The following PRPH2 variants were observed in gnomAD, a reference collection of about 807,000 sequenced individuals.
PRPH2 encodes peripherin-2.
Under a neutral mutation model 31.3 loss-of-function variants are expected in PRPH2, and 17 were observed. That is an observed-to-expected ratio of 0.54 (90% CI 0.37 to 0.81). The LOEUF is 0.81. PRPH2 is among the 40% of genes least tolerant of loss of function. The pLI, the probability that PRPH2 is intolerant of heterozygous loss-of-function variation, is 0.00. For missense variants in PRPH2, 430 were observed against 439.7 expected (o/e 0.98, Z 0.20); for synonymous variants, 165 against 184.4 (o/e 0.89, Z 0.85).
chr6:42,707,512 C>T (rs1242194601), intron 1 of PRPH2, among the ~76,000 whole-genome samples: 1 of 152,162 alleles, frequency 6.6e-6, no homozygotes, highest in African/African-American at 2.4e-5. Flanking sequence ...CAAAGCCCAA[C>T]CAGCCATGCT....
chr6:42,700,021 C>T (rs1055451590), intron 2 of PRPH2, among the ~76,000 whole-genome samples: 7 of 147,974 alleles, frequency 4.7e-5, no homozygotes, highest in Non-Finnish European at 4.4e-5. Flanking sequence ...TGCAGTGGCA[C>T]GATCTTGGCT....
chr6:42,697,589 C>T lies in PRPH2; in HGVS notation c.*706G>A, dbSNP rs1379417304. The T allele has an allele frequency of 6.6e-6, 1 of 152,344 alleles. No individual in the cohort carries two copies. Among genetic ancestry groups the T allele is most frequent in the Non-Finnish European group, 1.5e-5 (1 of 68,210 alleles). The allele number at this position is 152,344 out of a possible 1,614,324, so 9.4% of individuals were successfully genotyped here. A position where few individuals can be genotyped will look rare whatever the true frequency, so the allele number is the denominator to read the frequency against. ...GACTTCCTCAACCCGTGGTTCACTC[C>T]AGACTCAGTGACCGAGGGCATGTGA... On this transcript the variant is annotated 3_prime_UTR_variant, in exon 3 of 3. Coordinates refer to ENST00000230381, the MANE Select transcript of PRPH2 (RefSeq NM_000322.5).
At chr6:42,699,235 G>T (rs380246) in intron 2 of PRPH2, among the ~76,000 whole-genome samples, 114,834 of 150,002 alleles carry the variant, frequency 0.77, 44,050 homozygotes, top group East Asian at 0.86. Context: ...GTATTTTTTT[G>T]TTGTTATTGT....
intron 1 of PRPH2, among the ~76,000 whole-genome samples, chr6:42,705,599 A>AAAATATATATATATATATATATAT (rs1562424252): frequency 4.6e-5 from 1 of 21,552 alleles, no homozygotes; most frequent in African/African-American, 1.8e-4. Flanking sequence ...AAAAAAAAAA[A>AAAATATATATATATATATATATAT]ATATATATAT....
At chr6:42,718,916 C>T (rs1274173582) in intron 1 of PRPH2, among the ~76,000 whole-genome samples, 1 of 152,166 alleles carries the variant, frequency 6.6e-6, no homozygotes, top group African/African-American at 2.4e-5. Context: ...CCTCCCACCT[C>T]AGCCTCCCAA....
intron 2 of PRPH2, among the ~76,000 whole-genome samples, chr6:42,701,062 G>A (rs1344292401): frequency 6.7e-6 from 1 of 149,464 alleles, no homozygotes; most frequent in African/African-American, 2.5e-5. Context: ...CAGCAGCCTT[G>A]ACCTCCAGGG....
chr6:42,715,653 AGAGT>A (rs1265466516), intron 1 of PRPH2, among the ~76,000 whole-genome samples: 3 of 152,216 alleles, frequency 2.0e-5, no homozygotes, highest in Non-Finnish European at 4.4e-5. Context: ...CCTGGGTGAC[AGAGT>A]GAGACTCCAT....
intron 1 of PRPH2, among the ~76,000 whole-genome samples, chr6:42,715,190 C>T (rs1007179403): frequency 4.6e-5 from 7 of 151,852 alleles, no homozygotes; most frequent in African/African-American, 1.2e-4. Flanking sequence ...GCCTGGGTGA[C>T]GGGGCAAGAC....
At chr6:42,716,627 T>G (rs887573813) in intron 1 of PRPH2, among the ~76,000 whole-genome samples, 51 of 146,844 alleles carry the variant, frequency 3.5e-4, no homozygotes, top group Non-Finnish European at 5.0e-4. Context: ...TTTTTTTTTT[T>G]TTTTTTTTTT....
chr6:42,721,898 G>A lies in PRPH2; in HGVS notation c.437C>T (p.Thr146Ile). ...CTTCTTCATGAAACACCTGCCAGGG[G>A]TGTCTGTGTCCCGGTAGTACTTCAT... is the stretch of plus-strand genomic sequence containing the variant. ...NGMKYYRDTD[T>I]PGRCFMKKTI... The change falls in exon 1 of 3, where the codon ACC (threonine) becomes ATC (isoleucine). Residue 146 changes from threonine to isoleucine, a missense_variant. Physicochemically the swap from Thr to Ile is moderately conservative, Grantham distance 89. Coordinates refer to ENST00000230381, the MANE Select transcript of PRPH2 (RefSeq NM_000322.5). 1 of 1,614,218 alleles carries A rather than the reference G, an allele frequency of 6.2e-7. No homozygotes were observed. The highest frequency in any genetic ancestry group is 1.6e-4 in the Middle Eastern group (1 of 6,062).
chr6:42,704,645 C>T, intron 1 of PRPH2, 34 bp from the exon 2 acceptor site: 1 of 1,614,066 alleles, frequency 6.2e-7, no homozygotes, highest in Non-Finnish European at 8.5e-7. Flanking sequence ...AGATGGGCTT[C>T]CCGGGCTTCT....
intron 1 of PRPH2, among the ~76,000 whole-genome samples, chr6:42,708,584 CAAGACCTTCCCCA>C (rs1204448624): frequency 3.9e-5 from 6 of 152,150 alleles, no homozygotes; most frequent in African/African-American, 7.2e-5. Flanking sequence ...CTTCTTCCCC[CAAGACCTTCCCCA>C]AAGTGTCCTC....
rs772261412 is a variant in PRPH2, at chr6:42,704,649, G to C, written c.582-38C>G. The C allele has an allele frequency of 1.9e-6, 3 of 1,613,946 alleles. No homozygotes were observed. In the Admixed American group the frequency reaches 5.0e-5, roughly 27 times the overall value. Reference sequence around the variant, plus strand: ...CAGACAGCTGGAGATGGGCTTCCCGGGCTTCTCAACAGGGGCCACTTCCTC... The same window carrying C: ...CAGACAGCTGGAGATGGGCTTCCCGCGCTTCTCAACAGGGGCCACTTCCTC... On this transcript the variant is annotated intron_variant, in intron 1 of 2. Coordinates refer to ENST00000230381, the MANE Select transcript of PRPH2 (RefSeq NM_000322.5).
At chr6:42,718,949 G>A (rs967139767) in intron 1 of PRPH2, among the ~76,000 whole-genome samples, 5 of 152,050 alleles carry the variant, frequency 3.3e-5, no homozygotes, top group Admixed American at 1.3e-4. Flanking sequence ...ATAGGCGTGC[G>A]CCACTGATCC....
At chr6:42,707,415 C>T (rs927754308) in intron 1 of PRPH2, among the ~76,000 whole-genome samples, 5 of 152,062 alleles carry the variant, frequency 3.3e-5, no homozygotes, top group African/African-American at 1.2e-4. Context: ...AAGATGGATC[C>T]TTGCATCAAA....
Position 42,712,897 on chromosome 6 carries a change from G to A in PRPH2, c.582-8286C>T, listed in dbSNP as rs760837500. On this transcript the variant is annotated intron_variant, in intron 1 of 2. Coordinates refer to ENST00000230381, the MANE Select transcript of PRPH2 (RefSeq NM_000322.5). ...TTGAGTTTTTTCTATAATAGAAGTC[G>A]GAAATGCAATAAAATAAGATAAAAG... 4.0e-5 allele frequency among the ~76,000 whole-genome samples: 6 copies of A among 151,786 alleles called. No individual in the cohort carries two copies. The East Asian group carries it at 7.8e-4, about 20-fold the overall frequency.
chr6:42,705,765 C>G (rs1288203148), intron 1 of PRPH2, among the ~76,000 whole-genome samples: 7 of 149,334 alleles, frequency 4.7e-5, no homozygotes, highest in African/African-American at 1.5e-4. Flanking sequence ...TCGAGACCAT[C>G]CTGGCCAATA....
intron 1 of PRPH2, among the ~76,000 whole-genome samples, chr6:42,717,731 T>C (rs760609060): frequency 1.2e-4 from 19 of 152,118 alleles, no homozygotes; most frequent in Non-Finnish European, 2.2e-4. Context: ...CATTCATTCC[T>C]TCTTTCATTC....
intron 2 of PRPH2, among the ~76,000 whole-genome samples, chr6:42,699,349 A>G (rs1800009466): frequency 6.6e-6 from 1 of 152,032 alleles, no homozygotes; most frequent in Non-Finnish European, 1.5e-5. Context: ...GGTGCGAGCC[A>G]CCATGCCCAG....
Sources: gnomAD v4.1 joint callset for allele counts (sites outside exome capture counted in the v4.1 genomes callset) on GRCh38, gnomAD v4.1.1 for gene constraint, MANE v1.5 for transcripts, NCBI Gene and HGNC (gene_info 2026-07-23, HGNC 2026-07-21) for gene names.